The following STPG2 variants were observed in gnomAD, a reference collection of about 807,000 sequenced individuals.
STPG2 encodes sperm tail PG-rich repeat containing 2.
Under a neutral mutation model 54.2 loss-of-function variants are expected in STPG2, and 56 were observed. The observed-to-expected ratio is 1.03, with a 90% confidence interval of 0.83 to 1.29. The LOEUF is 1.29. STPG2 is among the 50% of genes most tolerant of loss of function. STPG2 has a pLI of 0.00. For synonymous variants in STPG2, 200 were observed against 181.8 expected (o/e 1.10, Z -0.81); for missense variants, 596 against 544.9 (o/e 1.09, Z -0.93).
At chr4:97,800,982 A>G (rs554791093) in intron 9 of STPG2, among the ~76,000 whole-genome samples, 1 of 152,322 alleles carries the variant, frequency 6.6e-6, no homozygotes, top group Admixed American at 6.5e-5. Context: ...CCTCCTAGCC[A>G]GGTGCAGGAG....
At chr4:98,015,410 C>A (rs1171911365) in intron 5 of STPG2, among the ~76,000 whole-genome samples, 1 of 152,162 alleles carries the variant, frequency 6.6e-6, no homozygotes. Context: ...TATGAATAGA[C>A]ACTTCTCAAA....
At chr4:97,454,017 G>A (rs1357957727) in intron 4 of STPG2, among the ~76,000 whole-genome samples, 3 of 152,054 alleles carry the variant, frequency 2.0e-5, no homozygotes, top group African/African-American at 7.2e-5. Context: ...AAGGCTCCTA[G>A]ATCTGAAGGA....
At chr4:97,957,070 A>AAT (rs896143051) in intron 7 of STPG2, among the ~76,000 whole-genome samples, 35 of 151,740 alleles carry the variant, frequency 2.3e-4, no homozygotes, top group East Asian at 1.4e-3. Context: ...TAAGGAAATA[A>AAT]ATATATATAT....
At chr4:97,555,600 A>C (rs545903834), downstream of STPG2, among the ~76,000 whole-genome samples, 19 of 152,318 alleles carry the variant, frequency 1.2e-4, no homozygotes, top group African/African-American at 4.6e-4. Flanking sequence ...CCTAAAATGT[A>C]ACTCAGAACA....
chr4:98,125,817 G>A (rs1302908481), intron 3 of STPG2, among the ~76,000 whole-genome samples: 3 of 152,164 alleles, frequency 2.0e-5, no homozygotes, highest in Non-Finnish European at 2.9e-5. Flanking sequence ...CTCCCGCCAG[G>A]GGCTCTGTCC....
intron 9 of STPG2, among the ~76,000 whole-genome samples, chr4:97,739,442 A>G (rs1177652469): frequency 6.6e-6 from 1 of 152,164 alleles, no homozygotes; most frequent in African/African-American, 2.4e-5. Flanking sequence ...TTTTGAAAGG[A>G]TCAACAAAAT....
chr4:97,876,563 G>A (rs1451432605), intron 8 of STPG2, among the ~76,000 whole-genome samples: 1 of 151,864 alleles, frequency 6.6e-6, no homozygotes, highest in East Asian at 1.9e-4. Context: ...TGCTTCCTTT[G>A]TTTTCTAGAG....
intron 8 of STPG2, among the ~76,000 whole-genome samples, chr4:97,862,296 C>T (rs986239955): frequency 6.6e-6 from 1 of 151,872 alleles, no homozygotes; most frequent in Non-Finnish European, 1.5e-5. Flanking sequence ...GGTTGCAATC[C>T]TAGTCTATGA....
chr4:97,782,911 C>A (rs1726694907), intron 9 of STPG2, among the ~76,000 whole-genome samples: 1 of 152,160 alleles, frequency 6.6e-6, no homozygotes, highest in African/African-American at 2.4e-5. Context: ...CTTCCTTACA[C>A]CTTATACAAA....
intron 9 of STPG2, among the ~76,000 whole-genome samples, chr4:97,770,456 G>A (rs555413540): frequency 5.9e-5 from 9 of 152,258 alleles, no homozygotes; most frequent in South Asian, 4.1e-4. Flanking sequence ...AATGAGCAGC[G>A]GAGAGAAAAG....
At chr4:97,857,517 C>T (rs539891762) in intron 8 of STPG2, among the ~76,000 whole-genome samples, 3 of 151,198 alleles carry the variant, frequency 2.0e-5, no homozygotes, top group East Asian at 1.9e-4. Flanking sequence ...CCCTTATTTC[C>T]GATTGTGTGT....
chr4:97,733,015 G>A (rs370694126), intron 9 of STPG2, among the ~76,000 whole-genome samples: 2 of 152,102 alleles, frequency 1.3e-5, no homozygotes, highest in East Asian at 1.9e-4. Flanking sequence ...AACCTCTAAG[G>A]AAAACAGTAT....
At chr4:98,062,335 A>T (rs1015630369) in intron 5 of STPG2, among the ~76,000 whole-genome samples, 18 of 152,246 alleles carry the variant, frequency 1.2e-4, no homozygotes, top group African/African-American at 3.9e-4. Flanking sequence ...AGCAGAAAAG[A>T]CAACTATTGG....
At chr4:97,453,346 G>T (rs115452590) in intron 4 of STPG2, among the ~76,000 whole-genome samples, 2,059 of 152,276 alleles carry the variant, frequency 0.014, 39 homozygotes, top group African/African-American at 0.047. Flanking sequence ...CCCCACACTT[G>T]CTCACACACC....
intron 4 of STPG2, among the ~76,000 whole-genome samples, chr4:97,500,482 G>C (rs1381525815): frequency 2.6e-5 from 4 of 152,006 alleles, no homozygotes; most frequent in Non-Finnish European, 5.9e-5. Context: ...CCTGACTGGA[G>C]ATAAAATATA....
At chr4:97,900,827 G>C (rs561331344) in intron 8 of STPG2, among the ~76,000 whole-genome samples, 1 of 151,948 alleles carries the variant, frequency 6.6e-6, no homozygotes, top group Non-Finnish European at 1.5e-5. Flanking sequence ...TTGGGTATTG[G>C]ACTTAATGCC....
intron 4 of STPG2, among the ~76,000 whole-genome samples, chr4:97,489,442 GT>G (rs1341960912): frequency 7.9e-5 from 12 of 151,694 alleles, no homozygotes; most frequent in Admixed American, 2.6e-4. Flanking sequence ...TACCACCTAG[GT>G]GACCAGATGA....
At chr4:97,899,493 A>C (rs7672360) in intron 8 of STPG2, among the ~76,000 whole-genome samples, 24,532 of 151,832 alleles carry the variant, frequency 0.16, 2,117 homozygotes, top group East Asian at 0.35. Flanking sequence ...CATGAAACCA[A>C]AAAAGAATCC....
At chr4:97,967,763 G>A (rs1452833861) in intron 7 of STPG2, among the ~76,000 whole-genome samples, 1 of 152,020 alleles carries the variant, frequency 6.6e-6, no homozygotes, top group Non-Finnish European at 1.5e-5. Context: ...ATGACTACTG[G>A]GTACATAACA....
Sources: allele counts gnomAD v4.1 joint callset (sites outside exome capture counted in the v4.1 genomes callset), GRCh38; gene constraint gnomAD v4.1.1; transcripts MANE v1.5; gene names NCBI Gene and HGNC (gene_info 2026-07-23, HGNC 2026-07-21).